GTF3C1: variants seen among roughly 807,000 people sequenced by gnomAD.
The protein encoded by GTF3C1 is general transcription factor IIIC subunit 1, also known as general transcription factor 3C polypeptide 1.
Under a neutral mutation model 226.7 loss-of-function variants are expected in GTF3C1, and 57 were observed. That is an observed-to-expected ratio of 0.25 (90% CI 0.20 to 0.31). The LOEUF is 0.31. Among genes scored for constraint, GTF3C1 ranks in the 10% least tolerant of loss-of-function variants. GTF3C1 has a pLI of 1.00. For missense variants in GTF3C1, 2,217 were observed against 2,776.1 expected (o/e 0.80, Z 4.53); for synonymous variants, 1,090 against 1,084.8 (o/e 1.00, Z -0.09).
At position 27,464,725 on chromosome 16, in the gene GTF3C1, CTCTG is replaced by C. The variant is rs2087758694; in HGVS notation, c.5463_5466del (p.Asp1821GlufsTer59). The C allele has an allele frequency of 6.3e-6, 10 of 1,595,646 alleles. No individual in the cohort carries two copies. The highest frequency in any genetic ancestry group is 8.5e-6 in the Non-Finnish European group (10 of 1,178,110). On this transcript the variant is annotated frameshift_variant, in exon 34 of 37. Transcript: ENST00000356183. LOFTEE classifies it high-confidence loss of function. ...TCTTCTCTCTGGATGTCGGCGTCTTCTCTGTCTTTCAGCCGCACGGAGTGCAGGA... is the reference window on the plus strand; with the variant it reads ...TCTTCTCTCTGGATGTCGGCGTCTTCTCTTTCAGCCGCACGGAGTGCAGGA...
intron 5 of GTF3C1, among the ~76,000 whole-genome samples, chr16:27,532,494 C>A (rs1339296810): frequency 1.3e-5 from 2 of 152,224 alleles, no homozygotes; most frequent in Non-Finnish European, 2.9e-5. Context: ...TTGGCTCTTT[C>A]CTGACTTGCA....
rs1483263949 is a variant in GTF3C1 at position 27,498,639 on chromosome 16, G to A, written c.2156C>T (p.Thr719Ile). 9.6e-6 allele frequency: 15 copies of A among 1,566,588 alleles called. No individual in the cohort carries two copies. Among genetic ancestry groups the A allele is most frequent in the Non-Finnish European group, 1.3e-5 (15 of 1,136,536 alleles). Reference sequence around the variant, plus strand: ...GGGCACCTCCACTTGCCTGTTGGCTGTGCTTGAATTGGAGATCCGGAAGCG... The same window carrying A: ...GGGCACCTCCACTTGCCTGTTGGCTATGCTTGAATTGGAGATCCGGAAGCG... ...QVRFRISNSS[T>I]ANRVKTSQPP... The change falls in exon 13 of 37, where the codon ACA becomes ATA. Residue 719 changes from threonine to isoleucine, a missense_variant. By Grantham distance (89) the Thr-to-Ile change is moderately conservative. This residue lies in a region of GTF3C1 where 100 missense variants were observed against 139.9 expected (regional missense o/e 0.71). Transcript: ENST00000356183.
rs560387711 is a variant in GTF3C1, at chr16:27,537,160, A to G, written c.752+624T>C. On this transcript the variant is annotated intron_variant, in intron 4 of 36. Coordinates refer to ENST00000356183, the MANE Select transcript of GTF3C1 (RefSeq NM_001520.4). ...AGTGCTGCAAAACATCCAATTTGAAACTGACATAATTCAACTACAATTCTG... is the reference window on the plus strand; with the variant it reads ...AGTGCTGCAAAACATCCAATTTGAAGCTGACATAATTCAACTACAATTCTG... Among the ~76,000 whole-genome samples the G allele has an allele frequency of 3.2e-4, 49 of 152,332 alleles. No homozygotes were observed. In the South Asian group the frequency reaches 1.0e-2, roughly 31 times the overall value.
Position 27,469,243 on chromosome 16 carries a change from G to C in GTF3C1, c.5074+48C>G. On this transcript the variant is annotated intron_variant, in intron 32 of 36. Coordinates refer to ENST00000356183, the MANE Select transcript of GTF3C1 (RefSeq NM_001520.4). The surrounding 1 kb of genome is among the most constrained non-coding windows in gnomAD (Gnocchi z 4.5). ...CAGGCCAGGCCTCAGGGTCTTCCTG[G>C]ATGATGGCGAGGCCAGGCCCTCCCA... 6.6e-7 allele frequency: 1 copy of C among 1,513,578 alleles called. No individual in the cohort carries two copies. The highest frequency in any genetic ancestry group is 8.9e-7 in the Non-Finnish European group (1 of 1,124,022). 93.8% of individuals were successfully genotyped at this position (1,513,578 alleles called of 1,614,324 possible). A position where few individuals can be genotyped will look rare whatever the true frequency, so the allele number is the denominator to read the frequency against.
rs1266507197 is a variant in GTF3C1 at position 27,494,402 on chromosome 16, T to TA, written c.2778+360dup. ...GACGACAGAGCAAGACTCTGTCTCA[T>TA]AAAAAAAAAACAAAAAAAAAAAACA... On this transcript the variant is annotated intron_variant, in intron 16 of 36. Coordinates refer to ENST00000356183, the MANE Select transcript of GTF3C1 (RefSeq NM_001520.4). Among the ~76,000 whole-genome samples, 279 of 94,228 alleles carry TA rather than the reference T, an allele frequency of 3.0e-3. 1 individual carries two copies. Among genetic ancestry groups the TA allele is most frequent in the Middle Eastern group, 0.022 (3 of 136 alleles). 61.8% of individuals were successfully genotyped at this position (94,228 alleles called of 152,430 possible).
rs781310809 is a variant in GTF3C1 at position 27,471,964 on chromosome 16, C to T, written c.4354-44G>A. ...AGGGTGAGTAGGGTTCTCCAGCCGG[C>T]CACGGAGAGGGCTGGGGTATGTGGA... On this transcript the variant is annotated intron_variant, in intron 29 of 36. Transcript: ENST00000356183. This position sits in a 1 kb window ranked among gnomAD's most constrained non-coding sequence, Gnocchi z 5.0. 19 of 1,579,576 alleles carry T rather than the reference C, an allele frequency of 1.2e-5. No individual in the cohort carries two copies. In the Admixed American group the frequency reaches 3.0e-4, roughly 25 times the overall value.
rs1360294966 is a variant in GTF3C1, at chr16:27,533,241, C to G, written c.849+50G>C. ...CTCTATGCCTGACAAGACCTCCCGG[C>G]TATGGTACAGATCACACCCAGCCCC... is the stretch of plus-strand genomic sequence containing the variant. On this transcript the variant is annotated intron_variant, in intron 5 of 36. Coordinates refer to ENST00000356183, the MANE Select transcript of GTF3C1 (RefSeq NM_001520.4). 11 of 890,250 alleles carry G rather than the reference C, an allele frequency of 1.2e-5. No individual in the cohort carries two copies. In the African/African-American group the frequency reaches 1.8e-4, roughly 15 times the overall value. The allele number at this position is 890,250 out of a possible 1,614,324, so 55.1% of individuals were successfully genotyped here.
intron 19 of GTF3C1, among the ~76,000 whole-genome samples, chr16:27,490,599 T>C (rs555837052): frequency 3.6e-4 from 55 of 152,152 alleles, no homozygotes; most frequent in Non-Finnish European, 7.5e-4. Flanking sequence ...TTGCCCAAGG[T>C]CACCCGTTTG....
At chr16:27,548,953 C>T (rs983154211) in intron 1 of GTF3C1, among the ~76,000 whole-genome samples, 1 of 152,086 alleles carries the variant, frequency 6.6e-6, no homozygotes, top group African/African-American at 2.4e-5. Context: ...CAGGAGTTCG[C>T]GACCAGCCTG....
intron 2 of GTF3C1, among the ~76,000 whole-genome samples, chr16:27,538,971 T>C (rs188685965): frequency 0.066 from 8,243 of 124,558 alleles, 316 homozygotes; most frequent in Non-Finnish European, 0.094. Flanking sequence ...TACACACATA[T>C]ACACACACAC....
At position 27,470,095 on chromosome 16, in the gene GTF3C1, G is replaced by A; in HGVS notation, c.4814+13C>T. 1 of 1,607,474 alleles carries A rather than the reference G, an allele frequency of 6.2e-7. No homozygotes were observed. The highest frequency in any genetic ancestry group is 8.5e-7 in the Non-Finnish European group (1 of 1,175,058). On this transcript the variant is annotated intron_variant, in intron 31 of 36. Coordinates refer to ENST00000356183, the MANE Select transcript of GTF3C1 (RefSeq NM_001520.4). The surrounding 1 kb of genome is among the most constrained non-coding windows in gnomAD (Gnocchi z 4.9). ...CGTGGCCAGACCTGATGCTGCGGAT[G>A]CCGGACTCTTACCTTTTGATGACCT...
At chr16:27,540,200 T>A (rs2089061583) in intron 2 of GTF3C1, among the ~76,000 whole-genome samples, 1 of 152,242 alleles carries the variant, frequency 6.6e-6, no homozygotes, top group Non-Finnish European at 1.5e-5. Context: ...CTTAACTCCA[T>A]CTTTCTTCAC....
chr16:27,485,909 G>T, intron 24 of GTF3C1, 88 bp downstream of exon 24: 4 of 779,434 alleles, frequency 5.1e-6, no homozygotes, highest in Middle Eastern at 7.0e-4. Context: ...GAGAGGAGTG[G>T]TCTCTGGCTG....
intron 13 of GTF3C1, among the ~76,000 whole-genome samples, chr16:27,498,072 C>A (rs1195192799): frequency 1.3e-5 from 2 of 152,158 alleles, no homozygotes; most frequent in Non-Finnish European, 2.9e-5. Flanking sequence ...GGGAACCCAA[C>A]GTGCTAGATC....
At chr16:27,537,681 T>G in intron 4 of GTF3C1, 103 bp downstream of exon 4, 1 of 780,176 alleles carries the variant, frequency 1.3e-6, no homozygotes, top group South Asian at 1.8e-5. Flanking sequence ...GGGCTATGAT[T>G]ACAGGTATGA....
chr16:27,463,657 C>T lies in GTF3C1; in HGVS notation c.5873-65G>A. 1 of 889,780 alleles carries T rather than the reference C, an allele frequency of 1.1e-6. No individual in the cohort carries two copies. The highest frequency in any genetic ancestry group is 2.4e-5 in the East Asian group (1 of 41,730). 55.1% of individuals were successfully genotyped at this position (889,780 alleles called of 1,614,324 possible). On this transcript the variant is annotated intron_variant, in intron 34 of 36. Transcript: ENST00000356183. The surrounding 1 kb of genome is among the most constrained non-coding windows in gnomAD (Gnocchi z 4.9). ...CAGGGAAGCCATCTCTGCCCTCCAA[C>T]CTTCAGCATGGTACCTAGCATGAGC...
chr16:27,491,026 A>G (rs2088225278), intron 19 of GTF3C1, among the ~76,000 whole-genome samples: 1 of 152,216 alleles, frequency 6.6e-6, no homozygotes, highest in South Asian at 2.1e-4. Flanking sequence ...ATGCAGGGGA[A>G]TTAGGGCATT....
chr16:27,532,975 T>C (rs1228257219), intron 5 of GTF3C1, among the ~76,000 whole-genome samples: 1 of 151,886 alleles, frequency 6.6e-6, no homozygotes, highest in East Asian at 1.9e-4. Context: ...CTAACAAAGA[T>C]ATGAAAATTA....
At chr16:27,508,714 C>A in intron 7 of GTF3C1, 59 bp from the exon 8 acceptor site, 1 of 1,223,340 alleles carries the variant, frequency 8.2e-7, no homozygotes, top group South Asian at 1.3e-5. Flanking sequence ...CTGCACAAGT[C>A]AGTTTCCAGC....
Sources: allele counts gnomAD v4.1 joint callset (sites outside exome capture counted in the v4.1 genomes callset), GRCh38; gene constraint gnomAD v4.1.1; regional missense constraint gnomAD v4.1.1; non-coding constraint Gnocchi (gnomAD v3.1); transcripts MANE v1.5; gene names NCBI Gene and HGNC (gene_info 2026-07-23, HGNC 2026-07-21).